The following APBB3 variants were observed in gnomAD, a reference collection of about 807,000 sequenced individuals.
APBB3 encodes amyloid beta precursor protein binding family B member 3, also known as amyloid-beta A4 precursor protein-binding family B member 3.
APBB3 carries 50 observed loss-of-function variants against 61.5 expected under a neutral mutation model. The ratio of observed to expected loss-of-function variants is 0.81; its 90% CI spans 0.65 to 1.03. The LOEUF is 1.03. APBB3 is among the 50% of genes least tolerant of loss of function. APBB3 has a pLI of 0.00. For missense variants in APBB3, 550 were observed against 637.4 expected (o/e 0.86, Z 1.48); for synonymous variants, 235 against 233.0 (o/e 1.01, Z -0.08).
intron 3 of APBB3, chr5:140,563,321 C>T: frequency 3.8e-6 from 2 of 520,838 alleles, no homozygotes; most frequent in South Asian, 2.2e-5. Flanking sequence ...GGACAAGAGA[C>T]CCTAGAACAG....
Position 140,560,937 on chromosome 5 carries a change from G to C in APBB3, c.916+81C>G. 6.6e-7 allele frequency: 1 copy of C among 1,515,450 alleles called. No individual in the cohort carries two copies. Among genetic ancestry groups the C allele is most frequent in the East Asian group, 2.3e-5 (1 of 44,254 alleles). 93.9% of individuals were successfully genotyped at this position (1,515,450 alleles called of 1,614,324 possible). A position where few individuals can be genotyped will look rare whatever the true frequency, so the allele number is the denominator to read the frequency against. On this transcript the variant is annotated intron_variant, in intron 10 of 12. Transcript: ENST00000357560. The surrounding 1 kb of genome is among the most constrained non-coding windows in gnomAD (Gnocchi z 5.1). The stretch of plus-strand genomic sequence containing the variant: ...ATAACAAGGCCACGGGAGGACTCTT[G>C]AGAAATGATAACAGGCCTCACCTCA...
chr5:140,562,792 A>G, intron 3 of APBB3, 69 bp from the exon 4 acceptor site: 1 of 1,502,080 alleles, frequency 6.7e-7, no homozygotes, highest in Non-Finnish European at 9.3e-7. Context: ...GGCCTAGACA[A>G]CTTGATAAGC....
In APBB3 at chr5:140,560,951, G is replaced by A; in HGVS notation, c.916+67C>T. 1 of 1,547,320 alleles carries A rather than the reference G, an allele frequency of 6.5e-7. No homozygotes were observed. On this transcript the variant is annotated intron_variant, in intron 10 of 12. Coordinates refer to ENST00000357560, the MANE Select transcript of APBB3 (RefSeq NM_133173.3). The surrounding 1 kb of genome is among the most constrained non-coding windows in gnomAD (Gnocchi z 5.1). ...GGAGGACTCTTGAGAAATGATAACAGGCCTCACCTCACTCACCTTCCCCTT... is the reference window on the plus strand; with the variant it reads ...GGAGGACTCTTGAGAAATGATAACAAGCCTCACCTCACTCACCTTCCCCTT...
At chr5:140,562,862 G>A (rs1755024963) in intron 3 of APBB3, 139 bp from the exon 4 acceptor site, 1 of 763,872 alleles carries the variant, frequency 1.3e-6, no homozygotes, top group Non-Finnish European at 2.2e-6. Flanking sequence ...GAGCAGGGTA[G>A]AGCCCAGGAC....
Position 140,564,351 on chromosome 5 carries a change from CG to C in APBB3, c.-107del. 1 of 1,378,202 alleles carries C rather than the reference CG, an allele frequency of 7.3e-7. No individual in the cohort carries two copies. Among genetic ancestry groups the C allele is most frequent in the Non-Finnish European group, 1.0e-6 (1 of 1,000,062 alleles). 85.4% of individuals were successfully genotyped at this position (1,378,202 alleles called of 1,614,324 possible). On this transcript the variant is annotated 5_prime_UTR_variant, in exon 1 of 13. Transcript: ENST00000357560. The surrounding 1 kb of genome is among the most constrained non-coding windows in gnomAD (Gnocchi z 5.0). ...CCCAGCCTCTCTGCGCCGCAGGCTG[CG>C]GGGCCAGCTGGCGCCGCACAAATAC...
chr5:140,558,343 T>C lies in APBB3; in HGVS notation c.*242A>G. The C allele has an allele frequency of 3.3e-6, 2 of 613,796 alleles. No homozygotes were observed. The highest frequency in any genetic ancestry group is 5.6e-5 in the East Asian group (2 of 35,922). 38.0% of individuals were successfully genotyped at this position (613,796 alleles called of 1,614,324 possible). A position where few individuals can be genotyped will look rare whatever the true frequency, so the allele number is the denominator to read the frequency against. ...CTGAGGTAGAGCCAACTGTCCAGGG[T>C]TGGACAGGGGCAAGGAACACAAGGA... On this transcript the variant is annotated 3_prime_UTR_variant, in exon 13 of 13. Transcript: ENST00000357560.
In APBB3 at chr5:140,558,300, T is replaced by G; in HGVS notation, c.*285A>C. On this transcript the variant is annotated 3_prime_UTR_variant, in exon 13 of 13. Coordinates refer to ENST00000357560, the MANE Select transcript of APBB3 (RefSeq NM_133173.3). Reference sequence around the variant, plus strand: ...ACTGAGGGATTTTTATTTGCACTGATTTTGCTATAAAGTGTTACTGAGGTA... The same window carrying G: ...ACTGAGGGATTTTTATTTGCACTGAGTTTGCTATAAAGTGTTACTGAGGTA... 2.4e-5 allele frequency: 11 copies of G among 465,622 alleles called. No individual in the cohort carries two copies. Among genetic ancestry groups the G allele is most frequent in the East Asian group, 1.3e-4 (3 of 22,446 alleles). 28.8% of individuals were successfully genotyped at this position (465,622 alleles called of 1,614,324 possible).
At chr5:140,559,136 G>C (rs1754837063) in intron 12 of APBB3, among the ~76,000 whole-genome samples, 1 of 152,186 alleles carries the variant, frequency 6.6e-6, no homozygotes, top group African/African-American at 2.4e-5. Context: ...AGGTCACACA[G>C]CCAGAGAAAG....
chr5:140,562,284 A>G, intron 5 of APBB3, 57 bp from the exon 6 acceptor site: 1 of 1,611,388 alleles, frequency 6.2e-7, no homozygotes, highest in Non-Finnish European at 8.5e-7. Context: ...CATGAGAAAT[A>G]GGAAATTCAG....
intron 9 of APBB3, 61 bp downstream of exon 9, chr5:140,561,304 C>CA: frequency 6.3e-7 from 1 of 1,582,202 alleles, no homozygotes; most frequent in Non-Finnish European, 8.7e-7. Context: ...CAGAAATCGC[C>CA]CCCCCACAAA....
chr5:140,561,434 C>T lies in APBB3; in HGVS notation c.763G>A (p.Val255Ile). The change falls in exon 9 of 13, where the codon GTA becomes ATA. Residue 255 changes from valine (V) to isoleucine (I), a missense_variant. Coordinates refer to ENST00000357560, the MANE Select transcript of APBB3 (RefSeq NM_133173.3). ...GLCAQILSER[V>I]EVSGDASCCS... is the part of the protein sequence containing the mutation. Reference sequence around the variant, plus strand: ...CAAGAGGCATCACCACTGACCTCTACTCGCTCTGACAAGATCTAAAACACA... The same window carrying T: ...CAAGAGGCATCACCACTGACCTCTATTCGCTCTGACAAGATCTAAAACACA... 6.2e-7 allele frequency: 1 copy of T among 1,614,218 alleles called. No individual in the cohort carries two copies. The highest frequency in any genetic ancestry group is 8.5e-7 in the Non-Finnish European group (1 of 1,180,044).
In APBB3 at chr5:140,560,738, G is replaced by A. The variant is rs751415485; in HGVS notation, c.933C>T (p.Asn311=). ...VTKAMGMDVL[N]EAIGTLTARG... is the part of the protein sequence containing the mutation. ...TGGCGGTGAGGGTACCAATGGCCTC[G>A]TTCAGCACATCCATGCCTGGGGGAA... Residue 311 remains asparagine (N), a synonymous_variant, in exon 11 of 13, where the codon AAC becomes AAT. Transcript: ENST00000357560. This position sits in a 1 kb window ranked among gnomAD's most constrained non-coding sequence, Gnocchi z 5.1. The A allele has an allele frequency of 1.5e-5, 25 of 1,613,952 alleles. No individual in the cohort carries two copies. Among genetic ancestry groups the A allele is most frequent in the Middle Eastern group, 1.6e-4 (1 of 6,084 alleles).
chr5:140,564,385 G>T lies in APBB3; in HGVS notation c.-140C>A. 1 of 968,954 alleles carries T rather than the reference G, an allele frequency of 1.0e-6. No individual in the cohort carries two copies. Among genetic ancestry groups the T allele is most frequent in the Non-Finnish European group, 1.5e-6 (1 of 649,062 alleles). 60.0% of individuals were successfully genotyped at this position (968,954 alleles called of 1,614,324 possible). ...CTGGCGCCGCACAAATACGGGGCGG[G>T]ACACGGGGCGGGACACGGGCCGGTC... is the stretch of plus-strand genomic sequence containing the variant. On this transcript the variant is annotated 5_prime_UTR_variant, in exon 1 of 13. Transcript: ENST00000357560. This position sits in a 1 kb window ranked among gnomAD's most constrained non-coding sequence, Gnocchi z 5.0.
In APBB3 at chr5:140,564,125, C is replaced by G; in HGVS notation, c.49+72G>C. 1 of 1,603,630 alleles carries G rather than the reference C, an allele frequency of 6.2e-7. No individual in the cohort carries two copies. Among genetic ancestry groups the G allele is most frequent in the Non-Finnish European group, 8.5e-7 (1 of 1,172,604 alleles). ...AGGTATCCCCCACCGTCTTTGAGCC[C>G]CAGAGTAGCCTTTCGGATTCCCTCG... On this transcript the variant is annotated intron_variant, in intron 1 of 12. Transcript: ENST00000357560. This position sits in a 1 kb window ranked among gnomAD's most constrained non-coding sequence, Gnocchi z 5.0.
intron 7 of APBB3, 57 bp from the exon 8 acceptor site, chr5:140,561,758 G>A (rs375471745): frequency 6.2e-6 from 10 of 1,613,928 alleles, no homozygotes; most frequent in African/African-American, 5.3e-5. Flanking sequence ...GGAGCCTGCA[G>A]GAGGCTGGAA....
chr5:140,559,299 C>G (rs894137268), intron 12 of APBB3, among the ~76,000 whole-genome samples: 1 of 152,174 alleles, frequency 6.6e-6, no homozygotes. Context: ...GTGTACAACT[C>G]AAACTCCAGC....
At position 140,558,312 on chromosome 5, in the gene APBB3, G is replaced by C; in HGVS notation, c.*273C>G. 1 of 525,796 alleles carries C rather than the reference G, an allele frequency of 1.9e-6. No homozygotes were observed. The highest frequency in any genetic ancestry group is 3.4e-6 in the Non-Finnish European group (1 of 295,858). 32.6% of individuals were successfully genotyped at this position (525,796 alleles called of 1,614,324 possible). ...TTATTTGCACTGATTTTGCTATAAA[G>C]TGTTACTGAGGTAGAGCCAACTGTC... On this transcript the variant is annotated 3_prime_UTR_variant, in exon 13 of 13. Coordinates refer to ENST00000357560, the MANE Select transcript of APBB3 (RefSeq NM_133173.3).
Position 140,561,373 on chromosome 5 carries a change from G to T in APBB3, c.824C>A (p.Pro275Gln). The T allele has an allele frequency of 1.2e-6, 2 of 1,614,172 alleles. No individual in the cohort carries two copies. The highest frequency in any genetic ancestry group is 1.7e-6 in the Non-Finnish European group (2 of 1,180,022). The change falls in exon 9 of 13, where the codon CCA (proline) becomes CAA (glutamine). Residue 275 changes from proline (P) to glutamine (Q), a missense_variant. Transcript: ENST00000357560. ...GTCTCCCCTCCCCATACCTTGCCGT[G>T]GCAGGTCTTCAGGAGAGATGGGGTC... Reference protein sequence around the residue: ...SPDPISPEDLPRQVELLDAVS... With the variant: ...SPDPISPEDLQRQVELLDAVS...
Position 140,561,662 on chromosome 5 carries a change from C to A in APBB3, c.672G>T (p.Met224Ile). ...AFVASDKDSC[M>I]LKCHVFCCDV... ...CACAGCAAAACACATGGCACTTGAG[C>A]ATACAGCTATCTTTGTCACTTGCCA... Residue 224 changes from methionine (M) to isoleucine (I), a missense_variant, in exon 8 of 13, where the codon ATG becomes ATT. Around this residue, in one of 3 missense-constraint regions of APBB3, gnomAD observed 405 missense variants for 483.4 expected, o/e 0.84. Coordinates refer to ENST00000357560, the MANE Select transcript of APBB3 (RefSeq NM_133173.3). The A allele has an allele frequency of 6.2e-7, 1 of 1,614,230 alleles. No individual in the cohort carries two copies. Among genetic ancestry groups the A allele is most frequent in the Non-Finnish European group, 8.5e-7 (1 of 1,180,034 alleles).
Sources: gnomAD v4.1 joint callset for allele counts (sites outside exome capture counted in the v4.1 genomes callset) on GRCh38, gnomAD v4.1.1 for gene constraint, gnomAD v4.1.1 regional missense constraint, Gnocchi (gnomAD v3.1) non-coding constraint, MANE v1.5 for transcripts, NCBI Gene and HGNC (gene_info 2026-07-23, HGNC 2026-07-21) for gene names.